C3orf49: variants seen among roughly 807,000 people sequenced by gnomAD.
C3orf49 encodes putative uncharacterized protein C3orf49.
Under a neutral mutation model 13.3 loss-of-function variants are expected in C3orf49, and 27 were observed. The observed-to-expected ratio is 2.02, with a 90% CI of 1.49 to 2.79. The LOEUF is 2.79. C3orf49 is among the 30% of genes most tolerant of loss of function. The pLI, the probability that C3orf49 is intolerant of heterozygous loss-of-function variation, is 0.00. For synonymous variants in C3orf49, 87 were observed against 47.6 expected (o/e 1.83, Z -3.40); for missense variants, 242 against 134.2 (o/e 1.80, Z -3.97).
intron 5 of C3orf49, chr3:63,835,366 T>C (rs747974118): frequency 6.2e-7 from 1 of 1,613,430 alleles, no homozygotes; most frequent in East Asian, 2.2e-5. Context: ...GATGCTCTAA[T>C]TCTTTTCCCA....
the C3orf49 span, among the ~76,000 whole-genome samples, chr3:63,788,340 T>C: frequency 6.6e-6 from 1 of 152,210 alleles, no homozygotes; most frequent in Non-Finnish European, 1.5e-5. Flanking sequence ...AGCCATTATG[T>C]TATTCTGCTG....
intron 5 of C3orf49, chr3:63,832,242 T>C (rs533660480): frequency 6.3e-6 from 1 of 158,096 alleles, no homozygotes; most frequent in East Asian, 1.9e-4. Context: ...TTCTTATCTT[T>C]TGGTACTTAA....
chr3:63,796,245 A>G, the C3orf49 span, among the ~76,000 whole-genome samples: 5 of 152,112 alleles, frequency 3.3e-5, no homozygotes, highest in Non-Finnish European at 7.4e-5. Context: ...AGTCACCTCT[A>G]AATGGTCTCC....
the C3orf49 span, among the ~76,000 whole-genome samples, chr3:63,796,172 T>C: frequency 2.0e-5 from 3 of 152,132 alleles, no homozygotes; most frequent in African/African-American, 7.2e-5. Context: ...GGGAAAAATA[T>C]GTAAAATGCA....
At chr3:63,794,894 C>T in the C3orf49 span, among the ~76,000 whole-genome samples, 1 of 152,080 alleles carries the variant, frequency 6.6e-6, no homozygotes, top group Non-Finnish European at 1.5e-5. Flanking sequence ...CCTAACTTTC[C>T]ATACCTAAGT....
chr3:63,804,366 A>G, the C3orf49 span, among the ~76,000 whole-genome samples: 12 of 152,304 alleles, frequency 7.9e-5, no homozygotes, highest in Non-Finnish European at 1.5e-4. Context: ...GCTCACAGAC[A>G]CTGCAGGCTC....
At chr3:63,846,005 A>G (rs80046788) in intron 6 of C3orf49, 1 of 181,172 alleles carries the variant, frequency 5.5e-6, no homozygotes, top group African/African-American at 2.4e-5. Flanking sequence ...TCTTATTGGC[A>G]TTCAGAAGCC....
At chr3:63,842,884 C>T (rs562779307) in intron 5 of C3orf49, among the ~76,000 whole-genome samples, 1 of 152,022 alleles carries the variant, frequency 6.6e-6, no homozygotes, top group Admixed American at 6.6e-5. Context: ...TGGGTTCAAG[C>T]CAGCCTCCTA....
At chr3:63,799,033 T>A in the C3orf49 span, among the ~76,000 whole-genome samples, 1 of 152,216 alleles carries the variant, frequency 6.6e-6, no homozygotes, top group East Asian at 1.9e-4. Context: ...AATGTCAACA[T>A]TTTAGGTGGG....
chr3:63,804,665 C>A, the C3orf49 span, among the ~76,000 whole-genome samples: 5 of 152,182 alleles, frequency 3.3e-5, no homozygotes, highest in African/African-American at 1.2e-4. Context: ...TTGGCTGTTA[C>A]TGCATTTACA....
chr3:63,836,763 A>G (rs1701642285), intron 5 of C3orf49, among the ~76,000 whole-genome samples: 1 of 152,040 alleles, frequency 6.6e-6, no homozygotes, highest in Non-Finnish European at 1.5e-5. Flanking sequence ...TTGTTAGTCA[A>G]CAGCAAATTA....
chr3:63,832,376 G>T (rs1701546439), intron 5 of C3orf49, among the ~76,000 whole-genome samples: 1 of 152,000 alleles, frequency 6.6e-6, no homozygotes, highest in Admixed American at 6.6e-5. Context: ...ACTGGTATTT[G>T]TCTGGGGCAC....
the C3orf49 span, among the ~76,000 whole-genome samples, chr3:63,791,321 A>G: frequency 3.3e-5 from 5 of 152,324 alleles, no homozygotes; most frequent in Admixed American, 2.0e-4. Context: ...TAGGAAATCA[A>G]TCACCTTATA....
chr3:63,795,206 G>A, the C3orf49 span, among the ~76,000 whole-genome samples: 1 of 152,012 alleles, frequency 6.6e-6, no homozygotes, highest in Admixed American at 6.6e-5. Context: ...TTCAGCCTCT[G>A]GTTGGCTGCT....
chr3:63,834,316 T>TA lies in C3orf49; in HGVS notation c.849+2473dup. On this transcript the variant is annotated intron_variant, in intron 5 of 6. Coordinates refer to ENST00000295896, the MANE Select transcript of C3orf49 (RefSeq NM_001355236.2). ...CCAATACAATTAAAGCTAAGATGGC[T>TA]ACTAGTTGAATCAAACTTTAAAATT... 4 of 943,736 alleles carry TA rather than the reference T, an allele frequency of 4.2e-6. No individual in the cohort carries two copies. The East Asian group carries it at 1.1e-4, about 25-fold the overall frequency. 58.5% of individuals were successfully genotyped at this position (943,736 alleles called of 1,614,324 possible). A position where few individuals can be genotyped will look rare whatever the true frequency, so the allele number is the denominator to read the frequency against.
At chr3:63,811,482 C>T in the C3orf49 span, among the ~76,000 whole-genome samples, 3 of 151,342 alleles carry the variant, frequency 2.0e-5, no homozygotes, top group South Asian at 2.1e-4. Flanking sequence ...GGTGTGAACT[C>T]GGGAGGCGGA....
chr3:63,813,476 C>A, the C3orf49 span, among the ~76,000 whole-genome samples: 1 of 152,240 alleles, frequency 6.6e-6, no homozygotes, highest in African/African-American at 2.4e-5. Context: ...AACTGATAGA[C>A]TACCAAATAA....
At chr3:63,780,002 A>G in the C3orf49 span, 1 of 151,852 alleles carries the variant, frequency 6.6e-6, no homozygotes, top group Non-Finnish European at 1.5e-5. Context: ...TTTGTTTTTT[A>G]ATTATACTTT....
the C3orf49 span, among the ~76,000 whole-genome samples, chr3:63,799,160 C>A: frequency 1.7e-4 from 26 of 152,198 alleles, no homozygotes; most frequent in African/African-American, 5.5e-4. Context: ...TGATTTGGAG[C>A]AATATGCATG....
Sources: allele counts gnomAD v4.1 joint callset (sites outside exome capture counted in the v4.1 genomes callset), GRCh38; gene constraint gnomAD v4.1.1; transcripts MANE v1.5; gene names NCBI Gene and HGNC (gene_info 2026-07-23, HGNC 2026-07-21).